Variants in GSE1 observed in about 807,000 individuals in gnomAD.
GSE1 encodes the protein genetic suppressor element 1.
Under a neutral mutation model 112.6 loss-of-function variants are expected in GSE1, and 32 were observed. That is an observed-to-expected ratio of 0.28 (90% CI 0.21 to 0.38). The LOEUF is 0.38. Among genes scored for constraint, GSE1 ranks in the 10% least tolerant of loss-of-function variants. GSE1 has a pLI of 1.00. For synonymous variants in GSE1, 1,115 were observed against 735.6 expected (o/e 1.52, Z -8.35); for missense variants, 2,348 against 1,699.2 (o/e 1.38, Z -6.71).
intron 1 of GSE1, among the ~76,000 whole-genome samples, chr16:85,204,344 C>T (rs771410377): frequency 1.3e-5 from 2 of 152,214 alleles, no homozygotes; most frequent in Admixed American, 6.5e-5. Context: ...TTTTCTTTAT[C>T]CATCATCAGC....
intron 2 of GSE1, among the ~76,000 whole-genome samples, chr16:85,522,230 C>T (rs2052209437): frequency 6.6e-6 from 1 of 152,170 alleles, no homozygotes; most frequent in African/African-American, 2.4e-5. Flanking sequence ...CGGGCCGTGG[C>T]TTGTCCAGTA....
chr16:85,182,085 C>T (rs1488953927), intron 1 of GSE1, among the ~76,000 whole-genome samples: 2 of 152,192 alleles, frequency 1.3e-5, no homozygotes, highest in African/African-American at 2.4e-5. Flanking sequence ...GCGGCATCCC[C>T]AGCAAGGCTG....
rs147520658 is a variant in GSE1 at position 85,208,508 on chromosome 16, C to G, written c.2283+36701C>G. Among the ~76,000 whole-genome samples the G allele has an allele frequency of 5.0e-3, 757 of 152,298 alleles. 6 individuals carry two copies. The highest frequency in any genetic ancestry group is 8.7e-3 in the Non-Finnish European group (589 of 68,028). ...GCCTCAGCTCCTGACTCCTTCAGGT[C>G]CTCGTCCCCCACACCACCTGTCCCC... On this transcript the variant is annotated intron_variant, in intron 1 of 2. Transcript: ENST00000637419.
At chr16:85,297,056 C>T (rs560098921) in intron 1 of GSE1, among the ~76,000 whole-genome samples, 59 of 152,274 alleles carry the variant, frequency 3.9e-4, no homozygotes, top group African/African-American at 1.3e-3. Context: ...GCCTTCAGAA[C>T]AGTGTGGGGC....
chr16:85,622,881 C>T (rs557819784), intron 1 of GSE1, among the ~76,000 whole-genome samples: 1 of 152,290 alleles, frequency 6.6e-6, no homozygotes, highest in African/African-American at 2.4e-5. Flanking sequence ...GCAGCTGCAG[C>T]TGCCGCAGGG....
At chr16:85,333,542 C>G (rs1300698209) in intron 1 of GSE1, among the ~76,000 whole-genome samples, 1 of 152,274 alleles carries the variant, frequency 6.6e-6, no homozygotes, top group African/African-American at 2.4e-5. Flanking sequence ...GTGCCTGAGG[C>G]CAGCCTGCAT....
chr16:85,310,062 C>CAGGCATAAGCCA (rs2045793650), intron 1 of GSE1, among the ~76,000 whole-genome samples: 1 of 151,894 alleles, frequency 6.6e-6, no homozygotes, highest in Non-Finnish European at 1.5e-5. Flanking sequence ...GGCATAAGCC[C>CAGGCATAAGCCA]AGGCATAAGC....
intron 2 of GSE1, among the ~76,000 whole-genome samples, chr16:85,496,631 G>A (rs1321308915): frequency 6.6e-6 from 1 of 152,260 alleles, no homozygotes; most frequent in Non-Finnish European, 1.5e-5. Context: ...CTTGTTTGCA[G>A]GGAGCTGGGA....
intron 2 of GSE1, among the ~76,000 whole-genome samples, chr16:85,540,665 C>G (rs906827680): frequency 6.6e-6 from 1 of 152,158 alleles, no homozygotes; most frequent in Non-Finnish European, 1.5e-5. Context: ...CCACTGTAAT[C>G]CCAGCTTTTT....
At chr16:85,359,036 G>A (rs1014995060) in intron 2 of GSE1, among the ~76,000 whole-genome samples, 2 of 152,134 alleles carry the variant, frequency 1.3e-5, no homozygotes, top group Non-Finnish European at 1.5e-5. Context: ...ACCCGAGCGT[G>A]TTTGTGACAG....
intron 1 of GSE1, among the ~76,000 whole-genome samples, chr16:85,173,845 G>A (rs2074408100): frequency 6.6e-6 from 1 of 152,194 alleles, no homozygotes; most frequent in South Asian, 2.1e-4. Context: ...CCCAGAAGGG[G>A]TCAGCATGGG....
chr16:85,654,777 A>G lies in GSE1; in HGVS notation c.600-17A>G, dbSNP rs375164764. ...GCACTCACCTGTCCCCACCTTGCCCACTATCCCCGCCTGCAGCCTCCAGCG... is the reference window on the plus strand; with the variant it reads ...GCACTCACCTGTCCCCACCTTGCCCGCTATCCCCGCCTGCAGCCTCCAGCG... On this transcript the variant is annotated splice_polypyrimidine_tract_variant and intron_variant, in intron 4 of 15. Transcript: ENST00000253458. 4.2e-4 allele frequency: 663 copies of G among 1,584,084 alleles called. 1 individual carries two copies. The Middle Eastern group carries it at 5.0e-3, about 12-fold the overall frequency.
chr16:85,499,910 A>G (rs2051306324), intron 2 of GSE1, among the ~76,000 whole-genome samples: 1 of 152,230 alleles, frequency 6.6e-6, no homozygotes. Context: ...CAAAAAGGCA[A>G]AAGTGGAAGC....
At chr16:85,242,741 G>C (rs998431319) in intron 1 of GSE1, among the ~76,000 whole-genome samples, 1 of 152,156 alleles carries the variant, frequency 6.6e-6, no homozygotes, top group African/African-American at 2.4e-5. Flanking sequence ...AATTGGCTTG[G>C]GGTGGAGCCT....
At chr16:85,619,122 C>T (rs1244126373) in intron 1 of GSE1, among the ~76,000 whole-genome samples, 1 of 152,236 alleles carries the variant, frequency 6.6e-6, no homozygotes, top group African/African-American at 2.4e-5. Context: ...CTCTGCTGGG[C>T]TTTAACAACC....
chr16:85,171,125 G>C, exon 1 of GSE1: 1 of 985,634 alleles, frequency 1.0e-6, no homozygotes, highest in Non-Finnish European at 1.2e-6. Context: ...GTCCGCAGCT[G>C]CCCCAAGTGC....
At chr16:85,498,932 G>A (rs1287395036) in intron 2 of GSE1, among the ~76,000 whole-genome samples, 3 of 152,266 alleles carry the variant, frequency 2.0e-5, no homozygotes, top group African/African-American at 7.2e-5. Context: ...GCATTGCACA[G>A]ACCGGGGAGA....
chr16:85,624,035 C>T (rs2048907558), intron 1 of GSE1, among the ~76,000 whole-genome samples: 1 of 152,208 alleles, frequency 6.6e-6, no homozygotes, highest in South Asian at 2.1e-4. Context: ...GTTAAACACT[C>T]AGCCTCCTCC....
intron 1 of GSE1, among the ~76,000 whole-genome samples, chr16:85,632,252 G>A (rs1276691387): frequency 6.6e-6 from 1 of 152,234 alleles, no homozygotes; most frequent in Non-Finnish European, 1.5e-5. Context: ...CCTGCCATGG[G>A]CATGGGGCTC....
Sources: allele counts gnomAD v4.1 joint callset (sites outside exome capture counted in the v4.1 genomes callset), GRCh38; gene constraint gnomAD v4.1.1; transcripts MANE v1.5; gene names NCBI Gene and HGNC (gene_info 2026-07-23, HGNC 2026-07-21).